Variants in SNX7 observed in about 807,000 individuals in gnomAD.
The protein encoded by SNX7 is sorting nexin-7.
SNX7 carries 35 observed loss-of-function variants against 48.4 expected under a neutral mutation model. The ratio of observed to expected loss-of-function variants is 0.72; its 90% CI spans 0.55 to 0.96. The LOEUF is 0.96. Ranked by LOEUF, SNX7 falls within the 40% of genes least tolerant of loss-of-function variation. SNX7 has a pLI of 0.00. For synonymous variants in SNX7, 190 were observed against 190.2 expected (o/e 1.00, Z 0.01); for missense variants, 553 against 548.9 (o/e 1.01, Z -0.07).
chr1:98,698,951 A>G lies in SNX7; in HGVS notation c.1038+46A>G, dbSNP rs771952640. ...TTTTACCTCAGTCCCTTACCTGATT[A>G]TAAGCTCCATAAAGGCAACTGTATT... On this transcript the variant is annotated intron_variant, in intron 6 of 8. Coordinates refer to ENST00000306121, the MANE Select transcript of SNX7 (RefSeq NM_015976.5). The G allele has an allele frequency of 7.7e-6, 12 of 1,565,810 alleles. No homozygotes were observed. In the African/African-American group the frequency reaches 1.4e-4, roughly 18 times the overall value.
chr1:98,748,048 C>T (rs1570607422), intron 8 of SNX7, among the ~76,000 whole-genome samples: 1 of 149,832 alleles, frequency 6.7e-6, no homozygotes, highest in Non-Finnish European at 1.5e-5. Flanking sequence ...CCAATCTCAG[C>T]TCACTGCAAC....
chr1:98,679,473 A>T (rs1294067021), intron 1 of SNX7, among the ~76,000 whole-genome samples: 3 of 152,096 alleles, frequency 2.0e-5, no homozygotes, highest in African/African-American at 7.2e-5. Context: ...AACAGTCCCC[A>T]AAGTTTCATC....
chr1:98,692,739 T>C (rs1464722457), intron 4 of SNX7, among the ~76,000 whole-genome samples: 1 of 152,164 alleles, frequency 6.6e-6, no homozygotes, highest in Non-Finnish European at 1.5e-5. Context: ...GTGTGTAGTG[T>C]AGTTAATTTT....
chr1:98,739,704 A>G (rs563303602), intron 8 of SNX7, among the ~76,000 whole-genome samples: 4 of 152,302 alleles, frequency 2.6e-5, no homozygotes, highest in African/African-American at 9.6e-5. Flanking sequence ...AGTGTGAGAA[A>G]TGGAGTTGGA....
At position 98,738,273 on chromosome 1, in the gene SNX7, G is replaced by A. The variant is rs932748589; in HGVS notation, c.1162G>A (p.Glu388Lys). ...EEIGKLEDKV[E>K]CANNALKADW... is the part of the protein sequence containing the mutation. ...GATTGGAAAACTTGAAGATAAAGTG[G>A]AATGTGCTAATAATGCCCTGAAAGC... The change falls in exon 8 of 9, where the codon GAA becomes AAA. Residue 388 changes from glutamate (E) to lysine (K), a missense_variant. Physicochemically the swap from Glu to Lys is moderately conservative, Grantham distance 56 (BLOSUM62 1). Transcript: ENST00000306121. 2 of 1,613,306 alleles carry A rather than the reference G, an allele frequency of 1.2e-6. No individual in the cohort carries two copies. The highest frequency in any genetic ancestry group is 1.7e-6 in the Non-Finnish European group (2 of 1,179,644).
chr1:98,720,656 A>G (rs956817940), intron 7 of SNX7, among the ~76,000 whole-genome samples: 1 of 152,150 alleles, frequency 6.6e-6, no homozygotes, highest in Non-Finnish European at 1.5e-5. Context: ...ATTAAACACA[A>G]CTAAAAATTC....
chr1:98,759,185 T>A (rs2101066798), intron 8 of SNX7, among the ~76,000 whole-genome samples: 1 of 151,866 alleles, frequency 6.6e-6, no homozygotes, highest in East Asian at 1.9e-4. Context: ...TGTAGAAACA[T>A]ACATGTCTAT....
intron 7 of SNX7, among the ~76,000 whole-genome samples, chr1:98,726,039 G>T (rs1303380568): frequency 6.6e-6 from 1 of 152,136 alleles, no homozygotes; most frequent in African/African-American, 2.4e-5. Flanking sequence ...CAGGATAAGT[G>T]AGAGGGCAGA....
chr1:98,711,802 A>T (rs747771850), intron 7 of SNX7, among the ~76,000 whole-genome samples: 2 of 152,170 alleles, frequency 1.3e-5, no homozygotes, highest in African/African-American at 2.4e-5. Flanking sequence ...AATTCCCCGT[A>T]GCATGCAATG....
At chr1:98,703,874 G>GA (rs1570543743) in intron 7 of SNX7, among the ~76,000 whole-genome samples, 1 of 152,104 alleles carries the variant, frequency 6.6e-6, no homozygotes, top group East Asian at 1.9e-4. Context: ...TTTTGCTCTT[G>GA]ATGAAATACT....
chr1:98,678,418 C>G (rs1557791120), intron 1 of SNX7, among the ~76,000 whole-genome samples: 1 of 152,120 alleles, frequency 6.6e-6, no homozygotes, highest in Non-Finnish European at 1.5e-5. Context: ...TTGGAGAGGG[C>G]AAACATCCAA....
chr1:98,673,893 G>A (rs1650014847), intron 1 of SNX7, among the ~76,000 whole-genome samples: 1 of 152,176 alleles, frequency 6.6e-6, no homozygotes, highest in South Asian at 2.1e-4. Flanking sequence ...AAAACTCTCA[G>A]TATTTGCTAT....
chr1:98,688,199 G>A (rs184268241), intron 2 of SNX7, among the ~76,000 whole-genome samples: 1 of 152,266 alleles, frequency 6.6e-6, no homozygotes, highest in East Asian at 1.9e-4. Context: ...ACTAAGGATT[G>A]TAAGGGTAAA....
intron 7 of SNX7, among the ~76,000 whole-genome samples, chr1:98,714,307 A>G (rs530786958): frequency 6.6e-6 from 1 of 152,252 alleles, no homozygotes; most frequent in East Asian, 1.9e-4. Flanking sequence ...ATATCAGCCA[A>G]TGTCTAATCC....
chr1:98,746,279 T>C (rs1186531312), intron 8 of SNX7, among the ~76,000 whole-genome samples: 1 of 152,090 alleles, frequency 6.6e-6, no homozygotes, highest in Non-Finnish European at 1.5e-5. Flanking sequence ...GGCATAGTTC[T>C]TTGGGTCTCG....
intron 1 of SNX7, among the ~76,000 whole-genome samples, chr1:98,673,548 A>C (rs1415420168): frequency 1.3e-5 from 2 of 152,190 alleles, no homozygotes; most frequent in Non-Finnish European, 2.9e-5. Context: ...CTAAAGTATA[A>C]GCTTCATGAG....
chr1:98,747,442 A>G (rs1654359571), intron 8 of SNX7, among the ~76,000 whole-genome samples: 1 of 152,184 alleles, frequency 6.6e-6, no homozygotes. Flanking sequence ...GTTGAATTCT[A>G]TGGAACAATT....
chr1:98,672,047 T>C (rs1346530112), intron 1 of SNX7, among the ~76,000 whole-genome samples: 1 of 152,168 alleles, frequency 6.6e-6, no homozygotes, highest in Non-Finnish European at 1.5e-5. Flanking sequence ...CCCTAATTTG[T>C]TCTGAGAAAA....
intron 1 of SNX7, among the ~76,000 whole-genome samples, chr1:98,672,962 C>G (rs1055346938): frequency 1.3e-4 from 18 of 141,570 alleles, no homozygotes; most frequent in African/African-American, 1.8e-4. Context: ...AGAAATTATT[C>G]AAGTGTAATC....
Sources: gnomAD v4.1 joint callset for allele counts (sites outside exome capture counted in the v4.1 genomes callset) on GRCh38, gnomAD v4.1.1 for gene constraint, MANE v1.5 for transcripts, NCBI Gene and HGNC (gene_info 2026-07-23, HGNC 2026-07-21) for gene names.